The following RTL4 variants were observed in gnomAD, a reference collection of about 807,000 sequenced individuals.
The protein encoded by RTL4 is retrotransposon Gag-like protein 4.
In RTL4, 4 loss-of-function variants were observed where a neutral mutation model predicts 5.3. That is an observed-to-expected ratio of 0.75 (90% CI 0.37 to 1.72). The LOEUF is 1.72. Among genes scored for constraint, RTL4 ranks in the 40% most tolerant of loss-of-function variants. RTL4 has a pLI of 0.04. For synonymous variants in RTL4, 98 were observed against 87.3 expected (o/e 1.12, Z -0.68); for missense variants, 260 against 227.1 (o/e 1.14, Z -0.93).
the RTL4 span, among the ~76,000 whole-genome samples, chrX:112,238,583 A>G: frequency 3.6e-5 from 4 of 112,064 alleles, no homozygotes; most frequent in Non-Finnish European, 3.8e-5. Flanking sequence ...ATAAAAATCT[A>G]TGGATTTAAT....
the RTL4 span, among the ~76,000 whole-genome samples, chrX:112,227,424 A>G: frequency 1.8e-5 from 2 of 111,469 alleles, no homozygotes; most frequent in Non-Finnish European, 3.8e-5. Flanking sequence ...AGAAACAGCC[A>G]ATTCCAGTCC....
the RTL4 span, among the ~76,000 whole-genome samples, chrX:112,310,917 A>G: frequency 1.0e-5 from 1 of 99,233 alleles, no homozygotes; most frequent in East Asian, 3.0e-4. Context: ...GTATATATAA[A>G]ACAGGAGACA....
At chrX:112,301,796 T>TA in the RTL4 span, among the ~76,000 whole-genome samples, 4 of 107,675 alleles carry the variant, frequency 3.7e-5, no homozygotes, top group Middle Eastern at 4.7e-3. Context: ...GCCCTGTCTT[T>TA]AAAAAAAAAT....
chrX:112,100,241 T>C, the RTL4 span, among the ~76,000 whole-genome samples: 42 of 111,859 alleles, frequency 3.8e-4, no homozygotes, highest in Admixed American at 1.0e-3. Context: ...AGTGCAGTGG[T>C]GGGAGCAGAC....
the RTL4 span, among the ~76,000 whole-genome samples, chrX:112,119,644 A>C: frequency 8.9e-6 from 1 of 111,776 alleles, no homozygotes; most frequent in Admixed American, 9.5e-5. Flanking sequence ...TGACGTTTAC[A>C]CTTAATGGTT....
At chrX:112,294,948 TCTGA>T in the RTL4 span, among the ~76,000 whole-genome samples, 5 of 112,441 alleles carry the variant, frequency 4.4e-5, no homozygotes, top group African/African-American at 1.6e-4. Flanking sequence ...AAGACCAGTC[TCTGA>T]CTGAGCAGAC....
the RTL4 span, among the ~76,000 whole-genome samples, chrX:112,352,561 A>G: frequency 9.0e-6 from 1 of 111,399 alleles, no homozygotes; most frequent in Admixed American, 9.6e-5. Context: ...GACAAACCTG[A>G]CAAAAACAAG....
chrX:112,403,284 A>T, the RTL4 span, among the ~76,000 whole-genome samples: 2 of 112,218 alleles, frequency 1.8e-5, no homozygotes, highest in African/African-American at 6.5e-5. Flanking sequence ...GTGCGTAGGA[A>T]CCACAAATTT....
At chrX:112,346,083 AACT>A in the RTL4 span, among the ~76,000 whole-genome samples, 1 of 112,079 alleles carries the variant, frequency 8.9e-6, no homozygotes, top group African/African-American at 3.2e-5. Context: ...ACGACTGAAC[AACT>A]ATATATAAAA....
At chrX:112,162,143 G>A in the RTL4 span, among the ~76,000 whole-genome samples, 1 of 110,035 alleles carries the variant, frequency 9.1e-6, no homozygotes, top group Admixed American at 9.9e-5. Context: ...AGGAGTATTG[G>A]TATATGATCT....
At chrX:112,296,566 G>A in the RTL4 span, among the ~76,000 whole-genome samples, 3 of 108,333 alleles carry the variant, frequency 2.8e-5, no homozygotes, top group Middle Eastern at 4.8e-3. Context: ...CTTCCATCTG[G>A]GTTTACCCCT....
At chrX:112,248,687 G>T in the RTL4 span, among the ~76,000 whole-genome samples, 12 of 111,929 alleles carry the variant, frequency 1.1e-4, no homozygotes, top group African/African-American at 3.6e-4. Flanking sequence ...ATATTTCTGT[G>T]AAGTATCTCT....
the RTL4 span, among the ~76,000 whole-genome samples, chrX:112,151,547 CCAG>C: frequency 1.8e-5 from 2 of 111,971 alleles, no homozygotes; most frequent in Non-Finnish European, 1.9e-5. Context: ...TGCTACTCCT[CCAG>C]CAATGAAGTT....
the RTL4 span, among the ~76,000 whole-genome samples, chrX:112,198,959 G>C: frequency 1.8e-5 from 2 of 110,473 alleles, no homozygotes; most frequent in African/African-American, 6.6e-5. Context: ...TGCAGAAGTG[G>C]GTAGAACATT....
the RTL4 span, among the ~76,000 whole-genome samples, chrX:112,444,792 A>T: frequency 9.0e-6 from 1 of 111,643 alleles, no homozygotes; most frequent in African/African-American, 3.2e-5. Flanking sequence ...CAATTTATTG[A>T]CAGATAGTTG....
chrX:112,456,955 A>T (rs1926855579), exon 1 of RTL4: 1 of 123,422 alleles, frequency 8.1e-6, no homozygotes, highest in Non-Finnish European at 1.9e-5. Flanking sequence ...TATGCTAGAA[A>T]GGCAAAACTC....
the RTL4 span, among the ~76,000 whole-genome samples, chrX:112,259,867 C>T: frequency 8.9e-6 from 1 of 111,799 alleles, no homozygotes; most frequent in Non-Finnish European, 1.9e-5. Flanking sequence ...TCAACACTTT[C>T]CTAATTACTG....
chrX:112,236,418 T>TAAAATA, the RTL4 span, among the ~76,000 whole-genome samples: 2 of 58,084 alleles, frequency 3.4e-5, no homozygotes, highest in East Asian at 9.6e-4. Context: ...TAGATCTATA[T>TAAAATA]CTATATATAG....
At chrX:112,409,638 T>A in the RTL4 span, among the ~76,000 whole-genome samples, 17 of 109,187 alleles carry the variant, frequency 1.6e-4, no homozygotes, top group African/African-American at 5.4e-4. Flanking sequence ...GGAGAATCAC[T>A]TGAACCCGGG....
Sources: allele counts gnomAD v4.1 joint callset (sites outside exome capture counted in the v4.1 genomes callset), GRCh38; gene constraint gnomAD v4.1.1; transcripts MANE v1.5; gene names NCBI Gene and HGNC (gene_info 2026-07-23, HGNC 2026-07-21).